The following SPOCK3 variants were observed in gnomAD, a reference collection of about 807,000 sequenced individuals.
The protein encoded by SPOCK3 is testican-3.
Under a neutral mutation model 56.6 loss-of-function variants are expected in SPOCK3, and 30 were observed. The observed-to-expected ratio is 0.53, with a 90% CI of 0.40 to 0.72. The LOEUF (loss-of-function observed/expected upper bound fraction) is 0.72. Among genes scored for constraint, SPOCK3 ranks in the 30% least tolerant of loss-of-function variants. The pLI is 0.00. For missense variants in SPOCK3, 527 were observed against 530.0 expected, an observed-to-expected ratio of 0.99 and a Z score of 0.06; for synonymous variants, 196 against 183.3, an observed-to-expected ratio of 1.07 and a Z score of -0.56.
intron 2 of SPOCK3, among the ~76,000 whole-genome samples, chr4:167,222,902 TAAAC>T (rs1349667295): frequency 7.8e-6 from 1 of 128,028 alleles, no homozygotes; most frequent in Non-Finnish European, 1.5e-5. Context: ...TATAAATATA[TAAAC>T]ATAGATATGT....
At chr4:166,790,255 A>G (rs1741195750) in intron 7 of SPOCK3, among the ~76,000 whole-genome samples, 1 of 152,184 alleles carries the variant, frequency 6.6e-6, no homozygotes, top group Non-Finnish European at 1.5e-5. Context: ...AAACAAGTAG[A>G]TTATCACTAT....
intron 2 of SPOCK3, among the ~76,000 whole-genome samples, chr4:167,162,330 T>A (rs1170027099): frequency 6.6e-6 from 1 of 152,016 alleles, no homozygotes; most frequent in Non-Finnish European, 1.5e-5. Context: ...TAGCAATGGG[T>A]GAGGAAAATA....
At chr4:167,007,447 AT>A (rs927264846) in intron 3 of SPOCK3, among the ~76,000 whole-genome samples, 23 of 151,448 alleles carry the variant, frequency 1.5e-4, no homozygotes, top group East Asian at 1.2e-3. Flanking sequence ...TGCTATTTTA[AT>A]TTTTTTTTCA....
intron 2 of SPOCK3, among the ~76,000 whole-genome samples, chr4:167,107,818 G>T (rs1443589206): frequency 2.0e-5 from 3 of 151,660 alleles, no homozygotes; most frequent in Non-Finnish European, 4.4e-5. Context: ...ATGTGAAAAA[G>T]AAATTAAAAA....
intron 2 of SPOCK3, chr4:167,119,996 TTA>T (rs2150362425): frequency 1.7e-6 from 1 of 602,786 alleles, no homozygotes; most frequent in East Asian, 2.8e-5. Flanking sequence ...CTGAAATATT[TTA>T]TGTTAAAGCA....
At chr4:166,904,190 ATCTC>A (rs1230417120) in intron 5 of SPOCK3, among the ~76,000 whole-genome samples, 12 of 151,804 alleles carry the variant, frequency 7.9e-5, no homozygotes, top group Non-Finnish European at 1.3e-4. Flanking sequence ...CTAATTTAAA[ATCTC>A]TCTGTTTCAA....
At chr4:167,071,331 G>T (rs1756655059) in intron 2 of SPOCK3, among the ~76,000 whole-genome samples, 1 of 152,054 alleles carries the variant, frequency 6.6e-6, no homozygotes. Flanking sequence ...ATGTTGGTTT[G>T]CTGCACCCAT....
At chr4:167,133,872 G>A (rs1053333187) in intron 2 of SPOCK3, among the ~76,000 whole-genome samples, 2 of 152,058 alleles carry the variant, frequency 1.3e-5, no homozygotes, top group South Asian at 2.1e-4. Context: ...AAAATCACTT[G>A]AGAGTATTAG....
chr4:167,064,959 C>A (rs1755963824), intron 2 of SPOCK3, among the ~76,000 whole-genome samples: 1 of 135,576 alleles, frequency 7.4e-6, no homozygotes, highest in Admixed American at 8.6e-5. Flanking sequence ...TACTGCTCAC[C>A]AAATCCTTTG....
At chr4:166,822,627 C>G (rs1334341716) in intron 6 of SPOCK3, among the ~76,000 whole-genome samples, 1 of 152,028 alleles carries the variant, frequency 6.6e-6, no homozygotes, top group African/African-American at 2.4e-5. Flanking sequence ...CTATTGCACT[C>G]CGTACACTCC....
At chr4:166,778,358 A>T (rs1261974957) in intron 7 of SPOCK3, among the ~76,000 whole-genome samples, 1 of 152,226 alleles carries the variant, frequency 6.6e-6, no homozygotes, top group African/African-American at 2.4e-5. Context: ...CATAGCTGCG[A>T]GGAACATAAA....
At chr4:167,206,948 C>T (rs981088977) in intron 2 of SPOCK3, among the ~76,000 whole-genome samples, 1 of 151,826 alleles carries the variant, frequency 6.6e-6, no homozygotes, top group Non-Finnish European at 1.5e-5. Flanking sequence ...GCTAGAAGGA[C>T]ATGGAATGTT....
chr4:166,763,709 TA>T (rs36105205), intron 7 of SPOCK3, among the ~76,000 whole-genome samples: 50,061 of 151,732 alleles, frequency 0.33, 8,410 homozygotes, highest in Admixed American at 0.42. Flanking sequence ...TGTAAAGTGT[TA>T]ACAATATTAT....
chr4:167,128,074 ACT>A (rs1267289003), intron 2 of SPOCK3, among the ~76,000 whole-genome samples: 2 of 151,892 alleles, frequency 1.3e-5, no homozygotes, highest in Non-Finnish European at 1.5e-5. Context: ...TGTTCTTCAA[ACT>A]CTCTCTTTAC....
intron 4 of SPOCK3, among the ~76,000 whole-genome samples, chr4:166,942,191 C>G (rs2150017631): frequency 6.6e-6 from 1 of 152,038 alleles, no homozygotes; most frequent in South Asian, 2.1e-4. Flanking sequence ...CTCGGTGTTT[C>G]CATTTCCATT....
intron 8 of SPOCK3, among the ~76,000 whole-genome samples, chr4:166,749,757 A>C (rs1414102159): frequency 3.3e-5 from 5 of 152,214 alleles, no homozygotes; most frequent in Non-Finnish European, 7.4e-5. Context: ...TCCCTTTGTT[A>C]TTCCTGATAA....
chr4:166,982,093 C>T (rs758830159), intron 4 of SPOCK3, among the ~76,000 whole-genome samples: 24 of 152,110 alleles, frequency 1.6e-4, no homozygotes, highest in African/African-American at 4.6e-4. Flanking sequence ...AGGAGCACAG[C>T]GCTCCCGCCC....
chr4:167,074,774 C>G (rs1757020486), intron 2 of SPOCK3, among the ~76,000 whole-genome samples: 1 of 151,816 alleles, frequency 6.6e-6, no homozygotes. Context: ...TCTGGAAACT[C>G]TTTTTCTCAT....
intron 3 of SPOCK3, among the ~76,000 whole-genome samples, chr4:167,024,854 AAAAAAATTTT>A (rs1455553448): frequency 6.6e-6 from 1 of 152,032 alleles, no homozygotes; most frequent in East Asian, 1.9e-4. Flanking sequence ...GGAAAAATAA[AAAAAAATTTT>A]AAAAATTTTT....
Sources: gnomAD v4.1 joint callset for allele counts (sites outside exome capture counted in the v4.1 genomes callset) on GRCh38, gnomAD v4.1.1 for gene constraint, MANE v1.5 for transcripts, NCBI Gene and HGNC (gene_info 2026-07-23, HGNC 2026-07-21) for gene names.